The following PTPRN2 variants were observed in gnomAD, a reference collection of about 807,000 sequenced individuals.
PTPRN2 encodes the protein receptor-type tyrosine-protein phosphatase N2.
A neutral mutation model predicts 118.8 loss-of-function variants in PTPRN2; 74 were observed. The ratio of observed to expected loss-of-function variants is 0.62; its 90% CI spans 0.52 to 0.76. The LOEUF (loss-of-function observed/expected upper bound fraction) is 0.76. Ranked by LOEUF, PTPRN2 falls within the 30% of genes least tolerant of loss-of-function variation. The pLI, the probability that PTPRN2 is intolerant of heterozygous loss-of-function variation, is 0.00. For synonymous variants in PTPRN2, 641 were observed against 608.0 expected (o/e 1.05, Z -0.80); for missense variants, 1,481 against 1,394.4 (o/e 1.06, Z -0.99).
At chr7:158,562,851 A>G (rs975830997) in intron 1 of PTPRN2, among the ~76,000 whole-genome samples, 1 of 152,220 alleles carries the variant, frequency 6.6e-6, no homozygotes, top group South Asian at 2.1e-4. Context: ...CAACAATCCC[A>G]TGTATGGACA....
At chr7:157,646,424 C>A (rs1424809504) in intron 14 of PTPRN2, among the ~76,000 whole-genome samples, 1 of 152,150 alleles carries the variant, frequency 6.6e-6, no homozygotes, top group Non-Finnish European at 1.5e-5. Context: ...CTGGATACTT[C>A]CTGAGGCCTC....
chr7:158,485,109 C>G (rs1419413997), intron 2 of PTPRN2, among the ~76,000 whole-genome samples: 1 of 152,114 alleles, frequency 6.6e-6, no homozygotes, highest in Non-Finnish European at 1.5e-5. Context: ...GGCCACCGAG[C>G]GCAGGGCTTG....
intron 11 of PTPRN2, among the ~76,000 whole-genome samples, chr7:157,999,969 C>T (rs1805089377): frequency 6.6e-6 from 1 of 152,090 alleles, no homozygotes; most frequent in Non-Finnish European, 1.5e-5. Flanking sequence ...TCACTGCAAC[C>T]TCCACCTCCC....
chr7:157,904,200 G>C (rs1365979722), intron 11 of PTPRN2, among the ~76,000 whole-genome samples: 1 of 152,158 alleles, frequency 6.6e-6, no homozygotes, highest in African/African-American at 2.4e-5. Context: ...CAGTGGAATT[G>C]CTGTGTGCCC....
chr7:157,855,655 G>A (rs1246355233), intron 12 of PTPRN2, among the ~76,000 whole-genome samples: 2 of 152,342 alleles, frequency 1.3e-5, no homozygotes, highest in Admixed American at 6.5e-5. Flanking sequence ...AGCACATCCC[G>A]GCGGGAGCGT....
chr7:158,136,918 G>A (rs1439272753), intron 7 of PTPRN2, among the ~76,000 whole-genome samples: 6 of 152,200 alleles, frequency 3.9e-5, no homozygotes, highest in Non-Finnish European at 8.8e-5. Flanking sequence ...AATGGTAGAC[G>A]TGAAGGCAGC....
At chr7:157,688,809 C>G (rs970805494) in intron 12 of PTPRN2, among the ~76,000 whole-genome samples, 13 of 152,212 alleles carry the variant, frequency 8.5e-5, no homozygotes, top group Non-Finnish European at 2.9e-5. Context: ...CGTTCGGCCC[C>G]GTCCCCTGCC....
intron 6 of PTPRN2, among the ~76,000 whole-genome samples, chr7:158,157,191 G>A (rs1462343176): frequency 6.6e-6 from 1 of 152,244 alleles, no homozygotes; most frequent in Non-Finnish European, 1.5e-5. Context: ...GTTCCATGTG[G>A]CTCTGGAAGG....
chr7:158,172,807 GCAT>G (rs1378681764), intron 5 of PTPRN2, among the ~76,000 whole-genome samples: 2 of 127,732 alleles, frequency 1.6e-5, no homozygotes, highest in Non-Finnish European at 3.2e-5. Flanking sequence ...TTCACCATCA[GCAT>G]CATCCCACCA....
At chr7:157,909,182 T>C (rs1005923357) in intron 11 of PTPRN2, among the ~76,000 whole-genome samples, 1 of 152,232 alleles carries the variant, frequency 6.6e-6, no homozygotes. Context: ...ATTGGATTAA[T>C]TTTCAGAAAT....
intron 1 of PTPRN2, among the ~76,000 whole-genome samples, chr7:158,500,014 A>G (rs1822240339): frequency 6.7e-6 from 1 of 149,264 alleles, no homozygotes; most frequent in South Asian, 2.2e-4. Flanking sequence ...CCTGATGATT[A>G]GAACTCTTAC....
chr7:157,763,106 C>T lies in PTPRN2; in HGVS notation c.1789-80169G>A, dbSNP rs1236549158. 1.5e-5 allele frequency among the ~76,000 whole-genome samples: 2 copies of T among 130,612 alleles called. No homozygotes were observed. Among genetic ancestry groups the T allele is most frequent in the African/African-American group, 6.2e-5 (2 of 32,422 alleles). 85.7% of individuals were successfully genotyped at this position (130,612 alleles called of 152,430 possible). A position where few individuals can be genotyped will look rare whatever the true frequency, so the allele number is the denominator to read the frequency against. The stretch of plus-strand genomic sequence containing the variant: ...TGGTCACAGAGCTAACCATCAGAGC[C>T]CACGGCCGCCCACTCATGGTCGGTC... On this transcript the variant is annotated intron_variant, in intron 12 of 22. Coordinates refer to ENST00000389418, the MANE Select transcript of PTPRN2 (RefSeq NM_002847.5). This position sits in a 1 kb window ranked among gnomAD's most constrained non-coding sequence, Gnocchi z 4.9.
intron 2 of PTPRN2, among the ~76,000 whole-genome samples, chr7:158,402,247 G>C (rs1315091088): frequency 6.6e-6 from 1 of 152,150 alleles, no homozygotes; most frequent in African/African-American, 2.4e-5. Flanking sequence ...GGGTATACAG[G>C]TGCTGACTTT....
At chr7:157,758,008 G>A (rs917186338) in intron 12 of PTPRN2, among the ~76,000 whole-genome samples, 1 of 152,248 alleles carries the variant, frequency 6.6e-6, no homozygotes, top group Non-Finnish European at 1.5e-5. Flanking sequence ...CAGGGCAAAC[G>A]TGGTGAAGCC....
intron 2 of PTPRN2, among the ~76,000 whole-genome samples, chr7:158,337,657 C>A (rs1195990692): frequency 6.7e-6 from 1 of 150,156 alleles, no homozygotes; most frequent in Non-Finnish European, 1.5e-5. Context: ...ACACTCTCAC[C>A]ATAATTGGTG....
intron 11 of PTPRN2, among the ~76,000 whole-genome samples, chr7:157,961,169 A>G (rs1166366721): frequency 6.6e-6 from 1 of 152,246 alleles, no homozygotes; most frequent in Non-Finnish European, 1.5e-5. Flanking sequence ...GAGATTATGA[A>G]GAAATATTTT....
At chr7:158,140,787 G>A (rs151085370) in intron 6 of PTPRN2, among the ~76,000 whole-genome samples, 24 of 152,320 alleles carry the variant, frequency 1.6e-4, no homozygotes, top group African/African-American at 4.3e-4. Flanking sequence ...TGCGGTCTGC[G>A]CATCTCGCCG....
At chr7:158,257,241 C>T (rs1449792574) in intron 3 of PTPRN2, among the ~76,000 whole-genome samples, 3 of 152,192 alleles carry the variant, frequency 2.0e-5, no homozygotes, top group Non-Finnish European at 4.4e-5. Flanking sequence ...AGGACGCAGT[C>T]AGACGCGGAA....
At chr7:157,766,578 G>T (rs367665436) in intron 12 of PTPRN2, among the ~76,000 whole-genome samples, 1 of 152,264 alleles carries the variant, frequency 6.6e-6, no homozygotes, top group Non-Finnish European at 1.5e-5. Context: ...CTATCCTAGA[G>T]AATTGCTGGC....
Sources: gnomAD v4.1 joint callset for allele counts (sites outside exome capture counted in the v4.1 genomes callset) on GRCh38, gnomAD v4.1.1 for gene constraint, Gnocchi (gnomAD v3.1) non-coding constraint, MANE v1.5 for transcripts, NCBI Gene and HGNC (gene_info 2026-07-23, HGNC 2026-07-21) for gene names.